Variants in TUT4 observed in about 807,000 individuals in gnomAD.
TUT4 encodes terminal uridylyl transferase 4.
A neutral mutation model predicts 192.2 loss-of-function variants in TUT4; 36 were observed. The observed-to-expected ratio is 0.19, with a 90% CI of 0.14 to 0.25. TUT4 has a LOEUF of 0.25. Among genes scored for constraint, TUT4 ranks in the 10% least tolerant of loss-of-function variants. The probability of loss-of-function intolerance (pLI) is 1.00; values close to 1 mark genes in which losing one functional copy is unlikely to be tolerated. For synonymous variants in TUT4, 618 were observed against 666.0 expected, an observed-to-expected ratio of 0.93 and a Z score of 1.11; for missense variants, 1,493 against 1,957.2, an observed-to-expected ratio of 0.76 and a Z score of 4.47.
chr1:52,428,740 G>A (rs1650917102), intron 28 of TUT4, among the ~76,000 whole-genome samples: 1 of 151,884 alleles, frequency 6.6e-6, no homozygotes, highest in Admixed American at 6.6e-5. Flanking sequence ...GCAGTGAGCC[G>A]AGATTGTTCC....
chr1:52,552,638 C>T (rs996885091), intron 1 of TUT4, among the ~76,000 whole-genome samples: 3 of 152,202 alleles, frequency 2.0e-5, no homozygotes, highest in Non-Finnish European at 2.9e-5. Flanking sequence ...GGTCCGGGAC[C>T]GGGAGCCCCA....
intron 4 of TUT4, among the ~76,000 whole-genome samples, chr1:52,506,732 T>C (rs777475961): frequency 3.3e-5 from 5 of 152,222 alleles, no homozygotes; most frequent in African/African-American, 1.2e-4. Context: ...ACTGTCTTAC[T>C]GTCCTTCTCT....
At chr1:52,537,775 T>C (rs1469164545) in intron 1 of TUT4, among the ~76,000 whole-genome samples, 1 of 152,008 alleles carries the variant, frequency 6.6e-6, no homozygotes, top group Non-Finnish European at 1.5e-5. Context: ...TAGCCAGGCA[T>C]GGTGGCGCGT....
chr1:52,484,919 CCATT>C (rs1669415244), intron 9 of TUT4, among the ~76,000 whole-genome samples: 1 of 152,208 alleles, frequency 6.6e-6, no homozygotes, highest in Admixed American at 6.5e-5. Flanking sequence ...CTTTTCCTGA[CCATT>C]CAGAGTAATG....
chr1:52,489,382 A>G (rs1670585859), intron 8 of TUT4, among the ~76,000 whole-genome samples: 1 of 152,224 alleles, frequency 6.6e-6, no homozygotes, highest in South Asian at 2.1e-4. Flanking sequence ...GATCTCTTCA[A>G]TGTCAAATAG....
chr1:52,525,757 G>A lies in TUT4; in HGVS notation c.524C>T (p.Thr175Ile). 1 of 1,614,122 alleles carries A rather than the reference G, an allele frequency of 6.2e-7. No individual in the cohort carries two copies. Among genetic ancestry groups the A allele is most frequent in the Non-Finnish European group, 8.5e-7 (1 of 1,180,012 alleles). The change falls in exon 2 of 30, where the codon ACA (threonine) becomes ATA (isoleucine). Residue 175 changes from threonine to isoleucine, a missense_variant. Around this residue, in one of 7 missense-constraint regions of TUT4, gnomAD observed 260 missense variants for 247.8 expected, o/e 1.05. Coordinates refer to ENST00000257177, the MANE Select transcript of TUT4 (RefSeq NM_001009881.3). ...TTTTTTTCCAATCTGTTGTAATTCT[G>A]TCTTCTGTCTCATGTCTTTCAACAG... ...SLLLKDMRQK[T>I]ELQQIGKKIP... is the part of the protein sequence containing the mutation.
intron 9 of TUT4, among the ~76,000 whole-genome samples, chr1:52,488,545 T>C (rs528805569): frequency 1.3e-5 from 2 of 152,286 alleles, no homozygotes; most frequent in African/African-American, 2.4e-5. Flanking sequence ...GAAAAAAATA[T>C]GCCAACAAAA....
chr1:52,550,127 A>C (rs1689036358), intron 1 of TUT4, among the ~76,000 whole-genome samples: 1 of 152,196 alleles, frequency 6.6e-6, no homozygotes, highest in Admixed American at 6.5e-5. Flanking sequence ...TAAAAAAGGA[A>C]AGAAAAATAC....
chr1:52,430,951 C>G, intron 28 of TUT4, 62 bp downstream of exon 28: 1 of 1,491,116 alleles, frequency 6.7e-7, no homozygotes, highest in Non-Finnish European at 9.0e-7. Context: ...CACATTGTTT[C>G]TACAGACAGA....
At chr1:52,507,993 A>C (rs1301894325) in intron 4 of TUT4, among the ~76,000 whole-genome samples, 1 of 152,026 alleles carries the variant, frequency 6.6e-6, no homozygotes, top group Non-Finnish European at 1.5e-5. Flanking sequence ...ATGTATTTTT[A>C]GTAGAAACAG....
intron 4 of TUT4, among the ~76,000 whole-genome samples, chr1:52,497,642 C>T (rs1288447266): frequency 2.0e-5 from 3 of 152,138 alleles, no homozygotes; most frequent in Non-Finnish European, 2.9e-5. Flanking sequence ...TTTTATCCAA[C>T]GCTATGCGAA....
At chr1:52,537,106 G>A (rs1685128141) in intron 1 of TUT4, among the ~76,000 whole-genome samples, 1 of 152,242 alleles carries the variant, frequency 6.6e-6, no homozygotes, top group South Asian at 2.1e-4. Flanking sequence ...GTTGCAGTGG[G>A]CCGAGATTGT....
At chr1:52,486,892 A>C (rs1226738524) in intron 9 of TUT4, among the ~76,000 whole-genome samples, 2 of 152,208 alleles carry the variant, frequency 1.3e-5, no homozygotes, top group African/African-American at 4.8e-5. Flanking sequence ...TATCATTTAT[A>C]ATCTTCTAAC....
At chr1:52,538,373 A>T (rs541526734) in intron 1 of TUT4, among the ~76,000 whole-genome samples, 1 of 152,138 alleles carries the variant, frequency 6.6e-6, no homozygotes, top group Admixed American at 6.5e-5. Flanking sequence ...ACTGAGAAAA[A>T]AAAAGGGAGC....
rs115081663 is a variant in TUT4 at position 52,490,310 on chromosome 1, T to C, written c.1388+422A>G. 8.5e-3 allele frequency among the ~76,000 whole-genome samples: 1,293 copies of C among 152,024 alleles called. 11 individuals are homozygous for C. The highest frequency in any genetic ancestry group is 0.012 in the Non-Finnish European group (827 of 67,958). ...GGACCACAGGCACACACACCCACCA[T>C]GCCTGGCTGATTTTTTTATTTTTTT... On this transcript the variant is annotated intron_variant, in intron 8 of 29. Coordinates refer to ENST00000257177, the MANE Select transcript of TUT4 (RefSeq NM_001009881.3).
intron 24 of TUT4, among the ~76,000 whole-genome samples, chr1:52,443,033 C>T (rs1656152853): frequency 6.6e-6 from 1 of 152,228 alleles, no homozygotes; most frequent in African/African-American, 2.4e-5. Flanking sequence ...CCTGTAATCC[C>T]AGCACTTTGG....
At chr1:52,460,134 T>G (rs1033661733) in intron 19 of TUT4, among the ~76,000 whole-genome samples, 3 of 152,206 alleles carry the variant, frequency 2.0e-5, no homozygotes, top group Non-Finnish European at 4.4e-5. Context: ...TTGTATGTAG[T>G]ATGTGCCTCT....
intron 12 of TUT4, among the ~76,000 whole-genome samples, chr1:52,476,757 T>C (rs1474828871): frequency 6.6e-6 from 1 of 152,222 alleles, no homozygotes; most frequent in Non-Finnish European, 1.5e-5. Flanking sequence ...TGTTTGCATG[T>C]ATATTTCAGA....
intron 27 of TUT4, chr1:52,432,543 T>TTA (rs1444752583): frequency 6.6e-6 from 1 of 152,156 alleles, no homozygotes; most frequent in Non-Finnish European, 1.5e-5. Context: ...CACTGAAGGG[T>TTA]TTTAAACAGG....
Sources: allele counts gnomAD v4.1 joint callset (sites outside exome capture counted in the v4.1 genomes callset), GRCh38; gene constraint gnomAD v4.1.1; regional missense constraint gnomAD v4.1.1; transcripts MANE v1.5; gene names NCBI Gene and HGNC (gene_info 2026-07-23, HGNC 2026-07-21).